Variants in ZNF536 observed in about 807,000 individuals in gnomAD.
The protein encoded by ZNF536 is zinc finger protein 536.
In ZNF536, 13 loss-of-function variants were observed where a neutral mutation model predicts 84.5. The observed-to-expected ratio is 0.15, with a 90% CI of 0.10 to 0.24. The LOEUF (loss-of-function observed/expected upper bound fraction) is 0.24, where lower values mean the gene tolerates loss of function less well. ZNF536 is among the 10% of genes least tolerant of loss of function. The pLI is 1.00. For synonymous variants in ZNF536, 811 were observed against 742.5 expected, an observed-to-expected ratio of 1.09 and a Z score of -1.50; for missense variants, 1,536 against 1,747.5, an observed-to-expected ratio of 0.88 and a Z score of 2.16.
At chr19:30,435,365 G>T (rs1272921269) in intron 1 of ZNF536, among the ~76,000 whole-genome samples, 2 of 148,964 alleles carry the variant, frequency 1.3e-5, no homozygotes, top group African/African-American at 5.0e-5. Context: ...GCTGGTGATG[G>T]TGGTGATGAT....
chr19:30,592,192 GC>G (rs1351801940), intron 1 of ZNF536, among the ~76,000 whole-genome samples: 6 of 152,248 alleles, frequency 3.9e-5, no homozygotes, highest in African/African-American at 1.4e-4. Flanking sequence ...TTCTTGCAAA[GC>G]AAAAATAGCA....
chr19:30,616,203 T>C (rs539877077), intron 1 of ZNF536, among the ~76,000 whole-genome samples: 13 of 152,346 alleles, frequency 8.5e-5, no homozygotes, highest in African/African-American at 2.9e-4. Flanking sequence ...ATGACTAATA[T>C]ATTTGAGAGA....
chr19:30,662,173 G>T (rs868518536), intron 1 of ZNF536, among the ~76,000 whole-genome samples: 2 of 152,164 alleles, frequency 1.3e-5, no homozygotes, highest in Admixed American at 6.5e-5. Flanking sequence ...ATGCTGAGCT[G>T]TGGGTGCTGG....
intron 1 of ZNF536, among the ~76,000 whole-genome samples, chr19:30,627,286 G>A (rs953903192): frequency 6.6e-6 from 1 of 151,586 alleles, no homozygotes; most frequent in Non-Finnish European, 1.5e-5. Context: ...GGGAATGTAG[G>A]GAGACCCCAT....
intron 1 of ZNF536, among the ~76,000 whole-genome samples, chr19:30,662,055 T>C (rs2050140695): frequency 6.6e-6 from 1 of 152,236 alleles, no homozygotes; most frequent in Non-Finnish European, 1.5e-5. Context: ...TTAAATTATT[T>C]GATGCACCCA....
At chr19:30,356,729 T>C (rs1319203756) in intron 3 of ZNF536, among the ~76,000 whole-genome samples, 1 of 152,204 alleles carries the variant, frequency 6.6e-6, no homozygotes, top group Non-Finnish European at 1.5e-5. Flanking sequence ...AGAGAGAAGA[T>C]AGAGTGGAGC....
chr19:30,424,004 G>T (rs1047945270), intron 1 of ZNF536, among the ~76,000 whole-genome samples: 1 of 152,118 alleles, frequency 6.6e-6, no homozygotes, highest in African/African-American at 2.4e-5. Flanking sequence ...TGCACCTACA[G>T]TCCCGGGTGC....
At chr19:30,365,009 T>A (rs78492705) in intron 3 of ZNF536, among the ~76,000 whole-genome samples, 1,723 of 152,344 alleles carry the variant, frequency 0.011, 29 homozygotes, top group African/African-American at 0.04. Context: ...AAGTGTTGAC[T>A]AAGCTTAGCT....
intron 2 of ZNF536, among the ~76,000 whole-genome samples, chr19:30,321,027 C>A (rs2046837848): frequency 6.6e-6 from 1 of 152,210 alleles, no homozygotes; most frequent in Non-Finnish European, 1.5e-5. Context: ...AAAAATGCAT[C>A]TCACCATCTC....
At chr19:30,389,151 C>T (rs1421334857) in intron 1 of ZNF536, among the ~76,000 whole-genome samples, 1 of 152,234 alleles carries the variant, frequency 6.6e-6, no homozygotes, top group Non-Finnish European at 1.5e-5. Context: ...TTCACCCAGT[C>T]CGCACACGTT....
intron 2 of ZNF536, among the ~76,000 whole-genome samples, chr19:30,336,478 A>G (rs978389770): frequency 6.6e-6 from 1 of 152,216 alleles, no homozygotes; most frequent in African/African-American, 2.4e-5. Context: ...AACAATTGCT[A>G]TAGAAGCTTA....
chr19:30,458,391 T>A (rs1259315273), intron 2 of ZNF536, among the ~76,000 whole-genome samples: 1 of 151,750 alleles, frequency 6.6e-6, no homozygotes, highest in African/African-American at 2.4e-5. Context: ...TACCTGCTGT[T>A]CCTTGAGTAG....
At chr19:30,422,271 C>A (rs1310125894) in intron 1 of ZNF536, among the ~76,000 whole-genome samples, 1 of 152,092 alleles carries the variant, frequency 6.6e-6, no homozygotes, top group Non-Finnish European at 1.5e-5. Flanking sequence ...ACATATTGAC[C>A]TAAGAGGTTT....
chr19:30,476,559 T>A (rs990744654), intron 2 of ZNF536, among the ~76,000 whole-genome samples: 5 of 152,226 alleles, frequency 3.3e-5, no homozygotes, highest in Non-Finnish European at 7.3e-5. Context: ...CGTGAAGGAA[T>A]ATTGCTTAAC....
chr19:30,585,323 C>T (rs2047058555), intron 1 of ZNF536, among the ~76,000 whole-genome samples: 1 of 152,134 alleles, frequency 6.6e-6, no homozygotes, highest in South Asian at 2.1e-4. Context: ...GGTCCTGGCA[C>T]AGTGCCTGGC....
intron 3 of ZNF536, 65 bp downstream of exon 3, chr19:30,535,064 T>C (rs2145942843): frequency 1.3e-6 from 2 of 1,531,846 alleles, no homozygotes; most frequent in Non-Finnish European, 1.8e-6. Context: ...TCCTGCCTGC[T>C]TTCTGGCCCA....
At chr19:30,379,438 G>A (rs1293054443) in intron 1 of ZNF536, among the ~76,000 whole-genome samples, 2 of 152,072 alleles carry the variant, frequency 1.3e-5, no homozygotes, top group African/African-American at 4.8e-5. Context: ...CTGAGCCTCT[G>A]CAACCCCAGT....
chr19:30,269,899 T>C (rs898462153), intron 1 of ZNF536, among the ~76,000 whole-genome samples: 8 of 152,188 alleles, frequency 5.3e-5, no homozygotes, highest in African/African-American at 1.7e-4. Context: ...CTGGTTCCAG[T>C]TTTCAGGGAC....
intron 2 of ZNF536, among the ~76,000 whole-genome samples, chr19:30,473,627 C>G (rs2053730670): frequency 6.6e-6 from 1 of 152,216 alleles, no homozygotes; most frequent in Non-Finnish European, 1.5e-5. Context: ...GGCCTTTACA[C>G]ATGCAATTTG....
Sources: allele counts gnomAD v4.1 joint callset (sites outside exome capture counted in the v4.1 genomes callset), GRCh38; gene constraint gnomAD v4.1.1; transcripts MANE v1.5; gene names NCBI Gene and HGNC (gene_info 2026-07-23, HGNC 2026-07-21).